Variants in ZNF484 observed in about 807,000 individuals in gnomAD.
ZNF484 encodes the protein KRAB box containing C2H2 type zinc finger bA526D8.4.
Under a neutral mutation model 12.9 loss-of-function variants are expected in ZNF484, and 11 were observed. The observed-to-expected ratio is 0.85, with a 90% CI of 0.54 to 1.41. The LOEUF (loss-of-function observed/expected upper bound fraction) is 1.41. Among genes scored for constraint, ZNF484 ranks in the 40% most tolerant of loss-of-function variants. ZNF484 has a pLI of 0.00. For synonymous variants in ZNF484, 289 were observed against 334.1 expected, an observed-to-expected ratio of 0.86 and a Z score of 1.47; for missense variants, 807 against 1,007.7, an observed-to-expected ratio of 0.80 and a Z score of 2.70.
intron 4 of ZNF484, among the ~76,000 whole-genome samples, chr9:92,851,691 G>A (rs1417555356): frequency 6.6e-6 from 1 of 152,206 alleles, no homozygotes; most frequent in Admixed American, 6.5e-5. Flanking sequence ...AGTCACTGCA[G>A]TCTATTTTAT....
intron 2 of ZNF484, among the ~76,000 whole-genome samples, chr9:92,872,539 TC>T (rs892126003): frequency 1.5e-5 from 2 of 132,858 alleles, no homozygotes; most frequent in African/African-American, 5.5e-5. Context: ...TAAAAGAGAG[TC>T]AGAGAAAGAT....
chr9:92,844,279 T>A lies in ZNF484; in HGVS notation c.*1949A>T, dbSNP rs930114065. 3.9e-5 allele frequency among the ~76,000 whole-genome samples: 6 copies of A among 152,188 alleles called. No individual in the cohort carries two copies. The highest frequency in any genetic ancestry group is 5.9e-5 in the Non-Finnish European group (4 of 68,012). On this transcript the variant is annotated 3_prime_UTR_variant, in exon 5 of 5. Transcript: ENST00000375495. ...AGCAAAATTCAAGAAAAATAACCAT[T>A]AGAAAACAGGCCAACAGAACTGGGT...
At chr9:92,854,340 C>A (rs1307038749) in intron 4 of ZNF484, among the ~76,000 whole-genome samples, 2 of 152,148 alleles carry the variant, frequency 1.3e-5, no homozygotes, top group African/African-American at 4.8e-5. Flanking sequence ...CACAGCCAAT[C>A]TGGAAAATAA....
intron 4 of ZNF484, among the ~76,000 whole-genome samples, chr9:92,854,905 A>G (rs2117914644): frequency 6.6e-6 from 1 of 152,280 alleles, no homozygotes; most frequent in Middle Eastern, 3.4e-3. Flanking sequence ...AAAAAACTTG[A>G]GTAGGATATA....
rs146534991 is a variant in ZNF484 at position 92,846,858 on chromosome 9, C to G, written c.1929G>C (p.Lys643Asn). The G allele has an allele frequency of 8.1e-5, 131 of 1,613,668 alleles. No individual in the cohort carries two copies. The highest frequency in any genetic ancestry group is 1.1e-4 in the Non-Finnish European group (125 of 1,179,956). The change falls in exon 5 of 5, where the codon AAG (lysine) becomes AAC (asparagine). Residue 643 changes from lysine to asparagine, a missense_variant. Coordinates refer to ENST00000375495, the MANE Select transcript of ZNF484 (RefSeq NM_031486.4). Reference protein sequence around the residue: ...EKPYRCAECGKAFTDRSNLFT... With the variant: ...EKPYRCAECGNAFTDRSNLFT... ...AGAGATTTGATCTGTCAGTAAAAGC[C>G]TTTCCACATTCAGCACACCTATAGG...
chr9:92,871,099 T>A (rs1442477089), intron 2 of ZNF484, among the ~76,000 whole-genome samples: 1 of 152,080 alleles, frequency 6.6e-6, no homozygotes, highest in Non-Finnish European at 1.5e-5. Context: ...AAACAACCAA[T>A]CAACCGATAC....
At chr9:92,866,377 A>G (rs1226205179) in intron 2 of ZNF484, among the ~76,000 whole-genome samples, 3 of 152,252 alleles carry the variant, frequency 2.0e-5, no homozygotes, top group Admixed American at 6.5e-5. Context: ...GTGGCCAACA[A>G]TCATACGAAA....
Position 92,856,323 on chromosome 9 carries a change from T to TAAAAA in ZNF484, c.16-10_16-6dup. 3 of 1,360,338 alleles carry TAAAAA rather than the reference T, an allele frequency of 2.2e-6. No homozygotes were observed. The highest frequency in any genetic ancestry group is 2.9e-6 in the Non-Finnish European group (3 of 1,021,256). The allele number at this position is 1,360,338 out of a possible 1,614,324, so 84.3% of individuals were successfully genotyped here. A position where few individuals can be genotyped will look rare whatever the true frequency, so the allele number is the denominator to read the frequency against. On this transcript the variant is annotated splice_region_variant and splice_polypyrimidine_tract_variant and intron_variant, in intron 2 of 4. Coordinates refer to ENST00000375495, the MANE Select transcript of ZNF484 (RefSeq NM_031486.4). ...GTCCTTGAATGACACTGATTCCTGT[T>TAAAAA]AAAAAAAAAAAACAAACTTTAAAAT...
chr9:92,864,739 T>C (rs1025204006), intron 2 of ZNF484, among the ~76,000 whole-genome samples: 5 of 151,986 alleles, frequency 3.3e-5, no homozygotes, highest in African/African-American at 9.7e-5. Context: ...GTTGACAAAA[T>C]TACATGGAGA....
Position 92,847,751 on chromosome 9 carries a change from A to C in ZNF484, c.1036T>G (p.Cys346Gly), listed in dbSNP as rs1364097385. ...AFIQKSDLFR[C>G]QRIHSGEKPY... is the part of the protein sequence containing the mutation. ...TTTTCTCCAGAATGAATTCTCTGGCATCTGAACAGATCTGACTTCTGGATA... is the reference window on the plus strand; with the variant it reads ...TTTTCTCCAGAATGAATTCTCTGGCCTCTGAACAGATCTGACTTCTGGATA... Residue 346 changes from cysteine (C) to glycine (G), a missense_variant, in exon 5 of 5, where the codon TGC becomes GGC. Transcript: ENST00000375495. 1.1e-5 allele frequency: 18 copies of C among 1,613,760 alleles called. No individual in the cohort carries two copies. The highest frequency in any genetic ancestry group is 3.3e-4 in the Middle Eastern group (2 of 6,084).
At chr9:92,862,197 C>T (rs879920202) in intron 2 of ZNF484, 26 of 921,438 alleles carry the variant, frequency 2.8e-5, no homozygotes, top group Non-Finnish European at 3.2e-5. Context: ...GAATTAACTG[C>T]CATACATTTA....
chr9:92,855,220 G>C (rs1223427742), intron 4 of ZNF484, among the ~76,000 whole-genome samples: 2 of 152,102 alleles, frequency 1.3e-5, no homozygotes, highest in South Asian at 2.1e-4. Flanking sequence ...AAATTAGAAA[G>C]ATCAAGTCAG....
chr9:92,872,552 A>G (rs180744437), intron 2 of ZNF484, among the ~76,000 whole-genome samples: 2 of 148,676 alleles, frequency 1.3e-5, no homozygotes, highest in East Asian at 4.1e-4. Flanking sequence ...GAGAAAGATG[A>G]GACTACAAAA....
rs1855873220 is a variant in ZNF484, at chr9:92,848,825, T to C, written c.236-274A>G. On this transcript the variant is annotated intron_variant, in intron 4 of 4. Transcript: ENST00000375495. The surrounding 1 kb of genome is among the most constrained non-coding windows in gnomAD (Gnocchi z 4.1). ...CAAGTGGCTGAGGCAAGAGAATGGC[T>C]TGATGGCTTGAAGGCAGAGGTTGCA... is the stretch of plus-strand genomic sequence containing the variant. Among the ~76,000 whole-genome samples, 1 of 151,000 alleles carries C rather than the reference T, an allele frequency of 6.6e-6. No individual in the cohort carries two copies. Among genetic ancestry groups the C allele is most frequent in the East Asian group, 1.9e-4 (1 of 5,184 alleles).
chr9:92,851,055 A>G (rs1404051297), intron 4 of ZNF484, among the ~76,000 whole-genome samples: 2 of 152,250 alleles, frequency 1.3e-5, no homozygotes, highest in Middle Eastern at 3.2e-3. Context: ...AGCCAAGCAC[A>G]TGGCTGCTTC....
intron 2 of ZNF484, among the ~76,000 whole-genome samples, chr9:92,870,415 G>A (rs1281786555): frequency 6.6e-6 from 1 of 152,154 alleles, no homozygotes; most frequent in Admixed American, 6.5e-5. Context: ...AAAAACTGTG[G>A]GCTTGATTCA....
intron 4 of ZNF484, among the ~76,000 whole-genome samples, chr9:92,850,970 A>C (rs1856039225): frequency 6.6e-6 from 1 of 152,214 alleles, no homozygotes; most frequent in Admixed American, 6.5e-5. Context: ...ATAACAGGAA[A>C]GAACTAGACA....
At chr9:92,876,734 C>A (rs921491435) in intron 1 of ZNF484, among the ~76,000 whole-genome samples, 6 of 152,072 alleles carry the variant, frequency 3.9e-5, no homozygotes, top group Non-Finnish European at 7.4e-5. Flanking sequence ...GCCCATCCCT[C>A]AGATGCACAA....
chr9:92,865,054 G>C (rs1404937604), intron 2 of ZNF484, among the ~76,000 whole-genome samples: 1 of 151,980 alleles, frequency 6.6e-6, no homozygotes, highest in Non-Finnish European at 1.5e-5. Flanking sequence ...GAGAGAGAGA[G>C]AGAACGAGAG....
Sources: allele counts gnomAD v4.1 joint callset (sites outside exome capture counted in the v4.1 genomes callset), GRCh38; gene constraint gnomAD v4.1.1; non-coding constraint Gnocchi (gnomAD v3.1); transcripts MANE v1.5; gene names NCBI Gene and HGNC (gene_info 2026-07-23, HGNC 2026-07-21).